SCAF8: variants seen among roughly 807,000 people sequenced by gnomAD.
The protein encoded by SCAF8 is SR-related CTD associated factor 8.
In SCAF8, 23 loss-of-function variants were observed where a neutral mutation model predicts 140.5. The observed-to-expected ratio is 0.16, with a 90% CI of 0.12 to 0.23. The LOEUF is 0.23. SCAF8 is among the 10% of genes least tolerant of loss of function. The pLI, the probability that SCAF8 is intolerant of heterozygous loss-of-function variation, is 1.00. For synonymous variants in SCAF8, 575 were observed against 528.9 expected (o/e 1.09, Z -1.20); for missense variants, 1,397 against 1,555.7 (o/e 0.90, Z 1.72).
intron 3 of SCAF8, 90 bp from the exon 4 acceptor site, chr6:154,787,771 T>C (rs1232192416): frequency 1.9e-6 from 2 of 1,052,118 alleles, no homozygotes; most frequent in Non-Finnish European, 2.8e-6. Context: ...GCAATGTCTT[T>C]GTATTTACAC....
At chr6:154,734,597 G>T (rs1183415953) in intron 1 of SCAF8, among the ~76,000 whole-genome samples, 2 of 152,174 alleles carry the variant, frequency 1.3e-5, no homozygotes, top group Non-Finnish European at 2.9e-5. Flanking sequence ...ATCGAGAGAT[G>T]GAAGATTATG....
At chr6:154,753,210 A>G (rs1005933516) in intron 1 of SCAF8, among the ~76,000 whole-genome samples, 1 of 152,114 alleles carries the variant, frequency 6.6e-6, no homozygotes, top group Non-Finnish European at 1.5e-5. Context: ...CATGCTTATA[A>G]TCCCAGCACT....
rs1778322807 is a variant in SCAF8 at position 154,733,664 on chromosome 6, G to C, written c.-237G>C. 2.3e-5 allele frequency: 30 copies of C among 1,291,586 alleles called. No homozygotes were observed. The highest frequency in any genetic ancestry group is 2.8e-5 in the Non-Finnish European group (29 of 1,022,484). 80.0% of individuals were successfully genotyped at this position (1,291,586 alleles called of 1,614,324 possible). A position where few individuals can be genotyped will look rare whatever the true frequency, so the allele number is the denominator to read the frequency against. ...GCCGACCCGCCCCGGCAGCGCCTCT[G>C]TTCCCTAGAACGGCGCTCCCCCCGC... is the stretch of plus-strand genomic sequence containing the variant. On this transcript the variant is annotated 5_prime_UTR_variant, in exon 1 of 20. Transcript: ENST00000367178.
intron 1 of SCAF8, among the ~76,000 whole-genome samples, chr6:154,753,867 T>C (rs1778900784): frequency 6.6e-6 from 1 of 152,170 alleles, no homozygotes; most frequent in South Asian, 2.1e-4. Flanking sequence ...AGTTGAACTC[T>C]TACTCTGTCA....
intron 4 of SCAF8, among the ~76,000 whole-genome samples, chr6:154,792,339 C>G (rs1275105300): frequency 1.3e-5 from 2 of 152,178 alleles, no homozygotes; most frequent in East Asian, 3.8e-4. Flanking sequence ...ATGCCCTCTC[C>G]TCAAGTAGAT....
At chr6:154,831,703 T>TTAAAAAAA (rs1363915852) in intron 19 of SCAF8, among the ~76,000 whole-genome samples, 1 of 48,068 alleles carries the variant, frequency 2.1e-5, no homozygotes, top group African/African-American at 7.0e-5. Flanking sequence ...CTCCTGTTCT[T>TTAAAAAAA]AAAAAAAAAA....
At chr6:154,796,355 C>CCT (rs774665105) in intron 6 of SCAF8, among the ~76,000 whole-genome samples, 1 of 86,596 alleles carries the variant, frequency 1.2e-5, no homozygotes, top group Non-Finnish European at 2.3e-5. Flanking sequence ...CAATCCTGTT[C>CCT]TCTCTCTCTC....
chr6:154,806,926 A>G (rs924037454), intron 9 of SCAF8, among the ~76,000 whole-genome samples: 1 of 152,232 alleles, frequency 6.6e-6, no homozygotes, highest in Non-Finnish European at 1.5e-5. Flanking sequence ...CAAAACAAAC[A>G]GCTCGTCAGT....
At position 154,822,356 on chromosome 6, in the gene SCAF8, A is replaced by G. The variant is rs757462294; in HGVS notation, c.1873A>G (p.Thr625Ala). The change falls in exon 16 of 20, where the codon ACA becomes GCA. Residue 625 changes from threonine to alanine, a missense_variant. Physicochemically the swap from Thr to Ala is moderately conservative, Grantham distance 58 (BLOSUM62 0). Coordinates refer to ENST00000367178, the MANE Select transcript of SCAF8 (RefSeq NM_014892.5). ...TQSPTPVEKETVVTTQAEVFP... is the reference protein window; with the variant it reads ...TQSPTPVEKEAVVTTQAEVFP... The stretch of plus-strand genomic sequence containing the variant: ...GAGCCCAACTCCAGTTGAAAAGGAG[A>G]CAGTGGTCACAACCCAGGCAGAGGT... 1.2e-6 allele frequency: 2 copies of G among 1,613,798 alleles called. No homozygotes were observed. The highest frequency in any genetic ancestry group is 2.2e-5 in the South Asian group (2 of 91,048).
intron 1 of SCAF8, among the ~76,000 whole-genome samples, chr6:154,741,441 T>G (rs909705878): frequency 3.3e-5 from 5 of 152,098 alleles, no homozygotes; most frequent in Non-Finnish European, 7.4e-5. Context: ...GAGTCTTGCT[T>G]CTTCGCCCGG....
At chr6:154,741,944 CCT>C (rs1183727963) in intron 1 of SCAF8, 3 of 1,525,102 alleles carry the variant, frequency 2.0e-6, no homozygotes, top group Non-Finnish European at 2.6e-6. Flanking sequence ...TTTCTCTACT[CCT>C]CTCTCTCAGG....
At chr6:154,822,939 A>C (rs1037748027) in intron 16 of SCAF8, among the ~76,000 whole-genome samples, 2 of 152,208 alleles carry the variant, frequency 1.3e-5, no homozygotes, top group African/African-American at 4.8e-5. Context: ...GTGAGATCCT[A>C]TGGAAGGAAA....
At chr6:154,794,295 AT>A (rs1171001505) in intron 5 of SCAF8, among the ~76,000 whole-genome samples, 1 of 152,020 alleles carries the variant, frequency 6.6e-6, no homozygotes, top group Non-Finnish European at 1.5e-5. Context: ...TATTTTGAAT[AT>A]TTCCTCATGT....
chr6:154,781,430 A>G (rs1777081900), intron 3 of SCAF8, among the ~76,000 whole-genome samples: 1 of 152,232 alleles, frequency 6.6e-6, no homozygotes, highest in African/African-American at 2.4e-5. Context: ...TAATTTATAG[A>G]ATAAATGGTA....
intron 6 of SCAF8, among the ~76,000 whole-genome samples, chr6:154,796,954 AGAGT>A (rs1444913771): frequency 6.6e-5 from 10 of 151,954 alleles, no homozygotes; most frequent in African/African-American, 1.9e-4. Flanking sequence ...CCTGGGTGAC[AGAGT>A]GAGACTCAAA....
At chr6:154,827,346 T>G (rs1778595846) in intron 18 of SCAF8, 106 bp downstream of exon 18, 1 of 738,258 alleles carries the variant, frequency 1.4e-6, no homozygotes, top group Non-Finnish European at 2.2e-6. Flanking sequence ...TATGAAAGCT[T>G]TAAGACAAAT....
chr6:154,774,997 A>G lies in SCAF8; in HGVS notation c.114+925A>G, dbSNP rs116510360. 2.7e-3 allele frequency among the ~76,000 whole-genome samples: 412 copies of G among 152,314 alleles called. 1 individual carries two copies. The highest frequency in any genetic ancestry group is 9.5e-3 in the African/African-American group (397 of 41,582). On this transcript the variant is annotated intron_variant, in intron 2 of 19. Coordinates refer to ENST00000367178, the MANE Select transcript of SCAF8 (RefSeq NM_014892.5). ...AGTAGGTACTAACCTATGAATATTCAGTGATATGTTTTCCTGCCCTGAATT... is the reference window on the plus strand; with the variant it reads ...AGTAGGTACTAACCTATGAATATTCGGTGATATGTTTTCCTGCCCTGAATT...
chr6:154,741,820 A>G, intron 1 of SCAF8: 1 of 581,954 alleles, frequency 1.7e-6, no homozygotes, highest in South Asian at 2.0e-5. Flanking sequence ...TGTTTTGGAC[A>G]ACTTCTAACT....
In SCAF8 at chr6:154,787,938, A is replaced by G; in HGVS notation, c.237A>G (p.Gln79=). 1.2e-6 allele frequency: 2 copies of G among 1,613,984 alleles called. No individual in the cohort carries two copies. Among genetic ancestry groups the G allele is most frequent in the Non-Finnish European group, 1.7e-6 (2 of 1,179,874 alleles). The part of the protein sequence containing the change: ...IVRQSRHQFG[Q]EKDVFAPRFS... ...GACAATCCCGACATCAGTTTGGTCA[A>G]GAAAAGGATGTGTTTGCACCCAGAT... Residue 79 remains glutamine (Q), a synonymous_variant, in exon 4 of 20, where the codon CAA becomes CAG. Transcript: ENST00000367178.
Sources: allele counts gnomAD v4.1 joint callset (sites outside exome capture counted in the v4.1 genomes callset), GRCh38; gene constraint gnomAD v4.1.1; transcripts MANE v1.5; gene names NCBI Gene and HGNC (gene_info 2026-07-23, HGNC 2026-07-21).